RPL26L1: variants seen among roughly 807,000 people sequenced by gnomAD.
RPL26L1 encodes the protein ribosomal protein uL24-like.
A neutral mutation model predicts 15.2 loss-of-function variants in RPL26L1; 8 were observed. The observed-to-expected ratio is 0.53, with a 90% confidence interval of 0.31 to 0.95. The LOEUF is 0.95. Ranked by LOEUF, RPL26L1 falls within the 40% of genes least tolerant of loss-of-function variation. RPL26L1 has a pLI of 0.05. For missense variants in RPL26L1, 146 were observed against 190.9 expected (o/e 0.76, Z 1.39); for synonymous variants, 51 against 65.9 (o/e 0.77, Z 1.09).
upstream of RPL26L1, among the ~76,000 whole-genome samples, chr5:172,956,223 A>C (rs1163317584): frequency 6.6e-6 from 1 of 152,250 alleles, no homozygotes; most frequent in Non-Finnish European, 1.5e-5. Flanking sequence ...ATGATCATTT[A>C]ATGATAACAT....
chr5:172,955,264 G>A (rs887347177), upstream of RPL26L1: 1 of 301,918 alleles, frequency 3.3e-6, no homozygotes, highest in African/African-American at 2.2e-5. Flanking sequence ...GAGTAGCTGA[G>A]ATTACAGGCG....
chr5:172,960,122 G>T, intron 2 of RPL26L1, 81 bp downstream of exon 2: 1 of 1,523,890 alleles, frequency 6.6e-7, no homozygotes. Context: ...AGACTCACAT[G>T]CCTCAGGACT....
At chr5:172,963,542 G>A (rs1445465561) in intron 2 of RPL26L1, among the ~76,000 whole-genome samples, 1 of 152,102 alleles carries the variant, frequency 6.6e-6, no homozygotes, top group Non-Finnish European at 1.5e-5. Flanking sequence ...CCGCTGGAAT[G>A]TTCTCTCTGC....
chr5:172,957,040 T>C (rs1200463859), upstream of RPL26L1: 1 of 370,826 alleles, frequency 2.7e-6, no homozygotes, highest in Non-Finnish European at 5.3e-6. Flanking sequence ...GCTGAATATC[T>C]TCTCCAAAGC....
At chr5:172,968,208 A>G (rs991708569) in intron 2 of RPL26L1, among the ~76,000 whole-genome samples, 2 of 152,244 alleles carry the variant, frequency 1.3e-5, no homozygotes, top group African/African-American at 2.4e-5. Flanking sequence ...TATATTCTAT[A>G]TGTAGTTTTG....
At chr5:172,968,339 C>A in intron 2 of RPL26L1, 120 bp from the exon 3 acceptor site, 1 of 1,312,686 alleles carries the variant, frequency 7.6e-7, no homozygotes, top group Non-Finnish European at 1.0e-6. Flanking sequence ...TTTTGACTGC[C>A]AGGATTAAGC....
chr5:172,957,145 A>C (rs989905923), upstream of RPL26L1: 5 of 455,342 alleles, frequency 1.1e-5, no homozygotes, highest in Non-Finnish European at 2.2e-5. Flanking sequence ...GAGAAATAAA[A>C]AGACTCACCA....
intron 2 of RPL26L1, among the ~76,000 whole-genome samples, chr5:172,961,488 C>G (rs1288034703): frequency 6.6e-6 from 1 of 152,170 alleles, no homozygotes; most frequent in Non-Finnish European, 1.5e-5. Context: ...GGATTCACTT[C>G]CCTAGCCCAC....
At chr5:172,958,469 A>G (rs1561753393), upstream of RPL26L1, 2 of 456,016 alleles carry the variant, frequency 4.4e-6, no homozygotes, top group Non-Finnish European at 4.4e-6. Flanking sequence ...TATGGAATGA[A>G]TGAACGAAAG....
chr5:172,959,154 G>GGAGCTTGCAGTGAGCC (rs1755113071), upstream of RPL26L1: 1 of 154,096 alleles, frequency 6.5e-6, no homozygotes, highest in African/African-American at 2.4e-5. Context: ...CCCGGGAGGC[G>GGAGCTTGCAGTGAGCC]GAGCTTGCAG....
At chr5:172,956,692 C>T (rs1754987235), upstream of RPL26L1, among the ~76,000 whole-genome samples, 1 of 152,122 alleles carries the variant, frequency 6.6e-6, no homozygotes, top group South Asian at 2.1e-4. Flanking sequence ...AATCCCAGCA[C>T]TTTGGGAGGC....
chr5:172,960,117 C>G, intron 2 of RPL26L1, 76 bp downstream of exon 2: 1 of 1,545,594 alleles, frequency 6.5e-7, no homozygotes. Context: ...GTCACAGACT[C>G]ACATGCCTCA....
upstream of RPL26L1, chr5:172,958,425 G>A (rs1289750756): frequency 2.2e-6 from 1 of 456,168 alleles, no homozygotes; most frequent in Non-Finnish European, 4.4e-6. Flanking sequence ...GTTTCAGCAT[G>A]CCGGCATTTG....
upstream of RPL26L1, among the ~76,000 whole-genome samples, chr5:172,956,788 A>G (rs1754990377): frequency 6.6e-6 from 1 of 151,964 alleles, no homozygotes; most frequent in Middle Eastern, 3.2e-3. Context: ...AAATACAAAA[A>G]TTAGCCAGGC....
At position 172,969,551 on chromosome 5, in the gene RPL26L1, G is replaced by C. The variant is rs755991961; in HGVS notation, c.*10G>C. ...GAAAATGCAGGAATAAATAGAACCT[G>C]TTGTGCAACCACGGTTTAACCGGAG... is the stretch of plus-strand genomic sequence containing the variant. On this transcript the variant is annotated 3_prime_UTR_variant, in exon 4 of 4. Coordinates refer to ENST00000265100, the MANE Select transcript of RPL26L1 (RefSeq NM_016093.4). 3 of 1,608,368 alleles carry C rather than the reference G, an allele frequency of 1.9e-6. No individual in the cohort carries two copies. The highest frequency in any genetic ancestry group is 1.7e-4 in the Middle Eastern group (1 of 5,970).
chr5:172,958,169 C>T (rs1053760380), upstream of RPL26L1: 14 of 349,582 alleles, frequency 4.0e-5, no homozygotes, highest in African/African-American at 2.6e-4. Context: ...GAGGCTGAGG[C>T]AGGAGAATCG....
chr5:172,958,378 G>A (rs1272732345), upstream of RPL26L1: 1 of 456,216 alleles, frequency 2.2e-6, no homozygotes, highest in Admixed American at 2.3e-5. Context: ...CTGCCTGGGT[G>A]TGGCTGCTGT....
chr5:172,960,077 C>G (rs1266807037), intron 2 of RPL26L1, 36 bp downstream of exon 2: 2 of 1,612,306 alleles, frequency 1.2e-6, no homozygotes, highest in Non-Finnish European at 1.7e-6. Flanking sequence ...CGCTCGGACA[C>G]CGTTGCCTAA....
At chr5:172,962,941 C>G (rs1241201022) in intron 2 of RPL26L1, among the ~76,000 whole-genome samples, 1 of 151,690 alleles carries the variant, frequency 6.6e-6, no homozygotes, top group East Asian at 1.9e-4. Context: ...GTGTTCATTG[C>G]TATGAAGAAA....
Sources: gnomAD v4.1 joint callset for allele counts (sites outside exome capture counted in the v4.1 genomes callset) on GRCh38, gnomAD v4.1.1 for gene constraint, MANE v1.5 for transcripts, NCBI Gene and HGNC (gene_info 2026-07-23, HGNC 2026-07-21) for gene names.